METTL24: variants seen among roughly 807,000 people sequenced by gnomAD.
METTL24 encodes the protein probable methyltransferase-like protein 24.
A neutral mutation model predicts 32.7 loss-of-function variants in METTL24; 29 were observed. The observed-to-expected ratio is 0.89, with a 90% CI of 0.66 to 1.21. METTL24 has a LOEUF of 1.21. METTL24 is among the 50% of genes most tolerant of loss of function. METTL24 has a pLI of 0.00. For missense variants in METTL24, 439 were observed against 468.1 expected, an observed-to-expected ratio of 0.94 and a Z score of 0.57; for synonymous variants, 163 against 179.5, an observed-to-expected ratio of 0.91 and a Z score of 0.73.
At chr6:110,292,811 G>GA (rs759737541) in intron 4 of METTL24, among the ~76,000 whole-genome samples, 5 of 151,716 alleles carry the variant, frequency 3.3e-5, no homozygotes, top group East Asian at 3.9e-4. Context: ...AAATAAAGCT[G>GA]AAAAAACATT....
intron 4 of METTL24, among the ~76,000 whole-genome samples, chr6:110,278,747 C>A (rs1771089009): frequency 6.6e-6 from 1 of 152,120 alleles, no homozygotes; most frequent in African/African-American, 2.4e-5. Context: ...ACAGGCTGTT[C>A]ATGGTGGCTC....
At chr6:110,297,282 T>G (rs946067748) in intron 4 of METTL24, among the ~76,000 whole-genome samples, 3 of 152,210 alleles carry the variant, frequency 2.0e-5, no homozygotes, top group Non-Finnish European at 2.9e-5. Flanking sequence ...CCCATGGAGC[T>G]AAACAAACAC....
intron 4 of METTL24, among the ~76,000 whole-genome samples, chr6:110,285,038 A>T (rs1269868844): frequency 6.6e-6 from 1 of 152,146 alleles, no homozygotes; most frequent in Admixed American, 6.5e-5. Context: ...AATAATCTCC[A>T]TTTTCTGACT....
chr6:110,314,228 C>G (rs1461866887), intron 3 of METTL24, among the ~76,000 whole-genome samples: 1 of 151,990 alleles, frequency 6.6e-6, no homozygotes, highest in East Asian at 1.9e-4. Context: ...ATTAGGGTCC[C>G]CAGCACTGTT....
chr6:110,357,898 C>T, intron 1 of METTL24, 57 bp downstream of exon 1: 1 of 1,044,284 alleles, frequency 9.6e-7, no homozygotes, highest in Non-Finnish European at 1.2e-6. Context: ...GGCTCCGTAG[C>T]GCGGTCGGGA....
chr6:110,248,011 T>C (rs1164044145), intron 4 of METTL24, among the ~76,000 whole-genome samples: 1 of 152,104 alleles, frequency 6.6e-6, no homozygotes, highest in Non-Finnish European at 1.5e-5. Context: ...AGATAGTGAG[T>C]GAGCTCTAGC....
At position 110,245,757 on chromosome 6, in the gene METTL24, T is replaced by A. The variant is rs1434676031; in HGVS notation, c.*189A>T. 1.3e-5 allele frequency among the ~76,000 whole-genome samples: 2 copies of A among 152,180 alleles called. No individual in the cohort carries two copies. Among genetic ancestry groups the A allele is most frequent in the Non-Finnish European group, 2.9e-5 (2 of 68,026 alleles). On this transcript the variant is annotated 3_prime_UTR_variant, in exon 5 of 5. Transcript: ENST00000338882. ...GGGCAAATAGGGGTGACTGTGTTTA[T>A]CCCTTTAACAAGTATTGACTGTGCC...
At chr6:110,270,837 CTT>C (rs3075091) in intron 4 of METTL24, among the ~76,000 whole-genome samples, 31 of 124,676 alleles carry the variant, frequency 2.5e-4, no homozygotes, top group Admixed American at 2.5e-4. Flanking sequence ...CATCTTGATT[CTT>C]TTTTTTTTTT....
intron 1 of METTL24, among the ~76,000 whole-genome samples, chr6:110,341,200 T>C (rs185072441): frequency 7.2e-5 from 11 of 152,280 alleles, no homozygotes; most frequent in Admixed American, 7.2e-4. Flanking sequence ...CACATGACCA[T>C]AACAAGAAAG....
intron 4 of METTL24, among the ~76,000 whole-genome samples, chr6:110,262,121 C>A (rs1402239178): frequency 6.6e-6 from 1 of 152,014 alleles, no homozygotes; most frequent in African/African-American, 2.4e-5. Context: ...AAGATCAGAG[C>A]AGAACTGAAG....
At chr6:110,334,719 G>A (rs1046909997) in intron 1 of METTL24, among the ~76,000 whole-genome samples, 1 of 152,196 alleles carries the variant, frequency 6.6e-6, no homozygotes, top group Non-Finnish European at 1.5e-5. Context: ...TAACCGTGCA[G>A]GTATACATAT....
At chr6:110,248,180 A>T (rs1252628195) in intron 4 of METTL24, among the ~76,000 whole-genome samples, 1 of 152,172 alleles carries the variant, frequency 6.6e-6, no homozygotes. Context: ...TACCGGCACC[A>T]TGCTTCCTGT....
At chr6:110,351,655 T>C (rs76185550) in intron 1 of METTL24, among the ~76,000 whole-genome samples, 28,940 of 152,206 alleles carry the variant, frequency 0.19, 3,403 homozygotes, top group South Asian at 0.27. Flanking sequence ...CTTCTTAGAG[T>C]AACTTAAAGT....
At chr6:110,357,872 C>A (rs1772729237) in intron 1 of METTL24, 83 bp downstream of exon 1, 4 of 765,294 alleles carry the variant, frequency 5.2e-6, no homozygotes, top group Non-Finnish European at 6.7e-6. Flanking sequence ...AGGCGGCCTG[C>A]GGGACCTGAG....
chr6:110,343,541 G>A (rs556103349), intron 1 of METTL24, among the ~76,000 whole-genome samples: 11 of 152,168 alleles, frequency 7.2e-5, no homozygotes, highest in East Asian at 1.9e-4. Context: ...GGACAGGCCC[G>A]GAAGGAAAGG....
intron 4 of METTL24, among the ~76,000 whole-genome samples, chr6:110,267,104 G>C (rs1426981924): frequency 6.6e-6 from 1 of 151,738 alleles, no homozygotes; most frequent in East Asian, 1.9e-4. Context: ...ATCTTGGAAG[G>C]GGCCTATGGC....
At chr6:110,327,318 A>G (rs945231381) in intron 1 of METTL24, among the ~76,000 whole-genome samples, 2 of 152,244 alleles carry the variant, frequency 1.3e-5, no homozygotes, top group Admixed American at 6.5e-5. Flanking sequence ...ACAGATCAAT[A>G]ATTTAGAATC....
At chr6:110,263,659 C>T (rs1770797681) in intron 4 of METTL24, among the ~76,000 whole-genome samples, 1 of 152,146 alleles carries the variant, frequency 6.6e-6, no homozygotes, top group South Asian at 2.1e-4. Context: ...GCCCGCATCG[C>T]CAAGTCAATC....
intron 3 of METTL24, among the ~76,000 whole-genome samples, chr6:110,312,745 T>C (rs761929234): frequency 6.6e-6 from 1 of 152,152 alleles, no homozygotes; most frequent in Non-Finnish European, 1.5e-5. Flanking sequence ...GGTACAAACA[T>C]ACAGTTAGAT....
Sources: allele counts gnomAD v4.1 joint callset (sites outside exome capture counted in the v4.1 genomes callset), GRCh38; gene constraint gnomAD v4.1.1; transcripts MANE v1.5; gene names NCBI Gene and HGNC (gene_info 2026-07-23, HGNC 2026-07-21).